Variants in TUNAR observed in about 807,000 individuals in gnomAD.
TUNAR encodes the protein transmembrane neural differentiation associated intracellular calcium regulator, also known as protein TUNAR.
chr14:95,888,440 G>C (rs551346897), intron 2 of TUNAR, among the ~76,000 whole-genome samples: 1 of 152,260 alleles, frequency 6.6e-6, no homozygotes, highest in Non-Finnish European at 1.5e-5. Context: ...GCTCAGCTAG[G>C]TGGCCTTGCT....
At chr14:95,880,027 C>A (rs541461721) in intron 2 of TUNAR, among the ~76,000 whole-genome samples, 9 of 152,318 alleles carry the variant, frequency 5.9e-5, no homozygotes, top group Non-Finnish European at 1.0e-4. Flanking sequence ...CTTCCGTAGG[C>A]CAGGAAACCT....
intron 2 of TUNAR, among the ~76,000 whole-genome samples, chr14:95,908,451 T>C (rs908939470): frequency 4.6e-5 from 7 of 152,256 alleles, no homozygotes; most frequent in African/African-American, 7.2e-5. Flanking sequence ...TCCTCCCATC[T>C]GTCCTCTTAG....
chr14:95,908,602 T>G (rs1225581609), intron 2 of TUNAR, among the ~76,000 whole-genome samples: 1 of 152,220 alleles, frequency 6.6e-6, no homozygotes, highest in Admixed American at 6.5e-5. Context: ...GCAAGGAAAC[T>G]GAGGCTAAGA....
chr14:95,914,773 C>T (rs1488449724), intron 2 of TUNAR, among the ~76,000 whole-genome samples: 1 of 152,122 alleles, frequency 6.6e-6, no homozygotes, highest in Admixed American at 6.5e-5. Flanking sequence ...ACTGTTATCC[C>T]TACTTTATAG....
At chr14:95,883,571 G>A (rs779113246) in intron 2 of TUNAR, among the ~76,000 whole-genome samples, 49 of 152,348 alleles carry the variant, frequency 3.2e-4, no homozygotes, top group South Asian at 1.0e-3. Context: ...GGCCTGGGGC[G>A]TCACCCTCTG....
At chr14:95,917,791 C>T (rs1889629964) in intron 2 of TUNAR, among the ~76,000 whole-genome samples, 1 of 152,150 alleles carries the variant, frequency 6.6e-6, no homozygotes, top group Non-Finnish European at 1.5e-5. Flanking sequence ...AAATTAACAT[C>T]TTGATTGAGA....
chr14:95,907,871 C>G (rs544732863), intron 2 of TUNAR, among the ~76,000 whole-genome samples: 2 of 152,170 alleles, frequency 1.3e-5, no homozygotes, highest in Non-Finnish European at 2.9e-5. Context: ...TAGATCCTCT[C>G]TGCAGCTGGT....
chr14:95,879,439 G>C (rs781009958), intron 2 of TUNAR, among the ~76,000 whole-genome samples: 3 of 152,096 alleles, frequency 2.0e-5, no homozygotes, highest in Admixed American at 6.6e-5. Context: ...TAACTGGTAA[G>C]GTTTTGAATA....
intron 2 of TUNAR, among the ~76,000 whole-genome samples, chr14:95,918,119 G>A (rs1398713118): frequency 6.6e-6 from 1 of 152,108 alleles, no homozygotes; most frequent in Non-Finnish European, 1.5e-5. Flanking sequence ...TATTTTTTAA[G>A]TTTTAATTTT....
At chr14:95,907,503 T>C (rs1045456469) in intron 2 of TUNAR, among the ~76,000 whole-genome samples, 28 of 152,238 alleles carry the variant, frequency 1.8e-4, no homozygotes, top group African/African-American at 6.8e-4. Context: ...ATGTTGCTTT[T>C]CTGGCCAGAA....
chr14:95,904,981 C>T (rs1840887311), intron 2 of TUNAR, among the ~76,000 whole-genome samples: 1 of 152,216 alleles, frequency 6.6e-6, no homozygotes, highest in Non-Finnish European at 1.5e-5. Flanking sequence ...CTCTGGTTCA[C>T]ATCCAGCACT....
intron 2 of TUNAR, among the ~76,000 whole-genome samples, chr14:95,908,022 T>C (rs1344023214): frequency 6.6e-6 from 1 of 152,124 alleles, no homozygotes; most frequent in African/African-American, 2.4e-5. Context: ...GCACCACAAG[T>C]CCCCAGTTTG....
intron 2 of TUNAR, among the ~76,000 whole-genome samples, chr14:95,908,238 T>G (rs1889455123): frequency 6.6e-6 from 1 of 152,156 alleles, no homozygotes; most frequent in Non-Finnish European, 1.5e-5. Context: ...AAGAGGCACT[T>G]CCGAAGCTAT....
intron 2 of TUNAR, among the ~76,000 whole-genome samples, chr14:95,902,528 C>T (rs768319611): frequency 1.9e-4 from 29 of 152,236 alleles, no homozygotes; most frequent in Non-Finnish European, 3.4e-4. Context: ...TGATCCACAG[C>T]TAGCATGGCC....
At chr14:95,883,017 T>G (rs1171898545) in intron 2 of TUNAR, among the ~76,000 whole-genome samples, 1 of 152,158 alleles carries the variant, frequency 6.6e-6, no homozygotes, top group African/African-American at 2.4e-5. Flanking sequence ...ACAGTACGTC[T>G]ATTATCCTTT....
At chr14:95,922,392 G>T (rs80035707) in intron 2 of TUNAR, among the ~76,000 whole-genome samples, 2 of 152,284 alleles carry the variant, frequency 1.3e-5, no homozygotes, top group South Asian at 2.1e-4. Flanking sequence ...TGTTTCTTGC[G>T]TGTAACCCAA....
exon 3 of TUNAR, chr14:95,923,421 T>G (rs2139675352): frequency 6.5e-6 from 1 of 154,036 alleles, no homozygotes; most frequent in East Asian, 1.9e-4. Flanking sequence ...GCGCAGCCCT[T>G]TGACAGGCAT....
At chr14:95,894,873 C>T (rs1196756405) in intron 2 of TUNAR, among the ~76,000 whole-genome samples, 1 of 152,156 alleles carries the variant, frequency 6.6e-6, no homozygotes, top group African/African-American at 2.4e-5. Context: ...GACCCAGAGA[C>T]CTCCTGTCCT....
At chr14:95,892,589 T>G (rs1301746316) in intron 2 of TUNAR, among the ~76,000 whole-genome samples, 1 of 152,216 alleles carries the variant, frequency 6.6e-6, no homozygotes, top group Non-Finnish European at 1.5e-5. Context: ...CTGGCCTGAT[T>G]CTTTTTCCCC....
Sources: gnomAD v4.1 joint callset for allele counts (sites outside exome capture counted in the v4.1 genomes callset) on GRCh38, gnomAD v4.1.1 for gene constraint, MANE v1.5 for transcripts, NCBI Gene and HGNC (gene_info 2026-07-23, HGNC 2026-07-21) for gene names.